Variants in NPAS3 observed in about 807,000 individuals in gnomAD.
NPAS3 encodes neuronal PAS domain protein 3, also known as neuronal PAS domain-containing protein 3.
A neutral mutation model predicts 73.1 loss-of-function variants in NPAS3; 14 were observed. The observed-to-expected ratio is 0.19, with a 90% confidence interval of 0.13 to 0.30. NPAS3 has a LOEUF of 0.30. NPAS3 is among the 10% of genes least tolerant of loss of function. The pLI is 1.00. For synonymous variants in NPAS3, 620 were observed against 541.5 expected (o/e 1.14, Z -2.01); for missense variants, 1,096 against 1,250.0 (o/e 0.88, Z 1.86).
intron 9 of NPAS3, among the ~76,000 whole-genome samples, chr14:33,783,592 G>A: frequency 6.8e-6 from 1 of 147,126 alleles, no homozygotes; most frequent in Non-Finnish European, 1.5e-5. Context: ...TTTTTTGGGG[G>A]GGTGGTGTGG....
chr14:33,665,294 AGGGGGTCG>A (rs547710451), intron 5 of NPAS3, among the ~76,000 whole-genome samples: 226 of 152,258 alleles, frequency 1.5e-3, no homozygotes, highest in South Asian at 3.5e-3. Flanking sequence ...CGGGACTGCC[AGGGGGTCG>A]GGGGCTAGGG....
intron 5 of NPAS3, among the ~76,000 whole-genome samples, chr14:33,577,691 C>T (rs1272783636): frequency 1.3e-5 from 2 of 152,222 alleles, no homozygotes; most frequent in African/African-American, 4.8e-5. Context: ...AAGGGATAAA[C>T]TGGGACTGAT....
At chr14:33,774,604 G>A (rs1419782055) in intron 8 of NPAS3, 74 bp downstream of exon 8, 1 of 1,210,834 alleles carries the variant, frequency 8.3e-7, no homozygotes, top group Non-Finnish European at 1.2e-6. Context: ...GCCGTCTGAA[G>A]GATGGTACTC....
At chr14:33,785,235 A>T (rs2063132594) in intron 9 of NPAS3, among the ~76,000 whole-genome samples, 1 of 151,472 alleles carries the variant, frequency 6.6e-6, no homozygotes, top group African/African-American at 2.4e-5. Context: ...GGAGTTCGAG[A>T]CCAGCCTGGC....
chr14:33,736,918 G>A (rs1391927834), intron 7 of NPAS3, among the ~76,000 whole-genome samples: 8 of 152,096 alleles, frequency 5.3e-5, no homozygotes, highest in African/African-American at 1.9e-4. Context: ...AGTAATGATA[G>A]CTAAAATTAA....
intron 3 of NPAS3, among the ~76,000 whole-genome samples, chr14:33,252,758 C>T (rs796618108): frequency 6.6e-6 from 1 of 151,666 alleles, no homozygotes; most frequent in Non-Finnish European, 1.5e-5. Flanking sequence ...GAAAATTGTA[C>T]CCAATAGGTA....
At chr14:33,233,246 C>A (rs552280592) in intron 3 of NPAS3, among the ~76,000 whole-genome samples, 1 of 151,876 alleles carries the variant, frequency 6.6e-6, no homozygotes, top group Non-Finnish European at 1.5e-5. Flanking sequence ...AACAATGAAC[C>A]CCGAATGCTA....
intron 2 of NPAS3, among the ~76,000 whole-genome samples, chr14:33,070,906 T>C (rs930336281): frequency 6.6e-6 from 1 of 152,214 alleles, no homozygotes; most frequent in Non-Finnish European, 1.5e-5. Context: ...GGTTTAACAC[T>C]GGGTGCTTTT....
intron 2 of NPAS3, among the ~76,000 whole-genome samples, chr14:33,061,169 G>A (rs544761401): frequency 9.8e-5 from 15 of 152,288 alleles, no homozygotes; most frequent in African/African-American, 3.1e-4. Context: ...TTCTGCTGGG[G>A]GGAGGATGGT....
At chr14:33,455,320 G>T (rs926836606) in intron 4 of NPAS3, among the ~76,000 whole-genome samples, 3 of 152,156 alleles carry the variant, frequency 2.0e-5, no homozygotes, top group Non-Finnish European at 4.4e-5. Flanking sequence ...GGGGTGGGTA[G>T]AAGCCAAAGT....
In NPAS3 at chr14:33,392,164, C is replaced by A. The variant is rs529602437; in HGVS notation, c.468+24896C>A. Among the ~76,000 whole-genome samples, 3 of 152,268 alleles carry A rather than the reference C, an allele frequency of 2.0e-5. No homozygotes were observed. In the East Asian group the frequency reaches 5.8e-4, roughly 29 times the overall value. ...CATGTGGGCATCATCCCTCTTGTCA[C>A]ATATTCTACTTTTTATAGACATAAA... is the stretch of plus-strand genomic sequence containing the variant. On this transcript the variant is annotated intron_variant, in intron 4 of 11. Transcript: ENST00000356141.
chr14:33,719,516 A>G (rs905378261), intron 6 of NPAS3, among the ~76,000 whole-genome samples: 1 of 152,232 alleles, frequency 6.6e-6, no homozygotes, highest in African/African-American at 2.4e-5. Flanking sequence ...CTTTCTAAAT[A>G]CAATATATTT....
At chr14:33,771,383 AT>A (rs2062647170) in intron 7 of NPAS3, among the ~76,000 whole-genome samples, 1 of 152,146 alleles carries the variant, frequency 6.6e-6, no homozygotes, top group South Asian at 2.1e-4. Context: ...CTTGACAACT[AT>A]TTAGTTACTG....
At chr14:33,566,576 G>A (rs1009239982) in intron 5 of NPAS3, among the ~76,000 whole-genome samples, 2 of 151,982 alleles carry the variant, frequency 1.3e-5, no homozygotes, top group African/African-American at 4.8e-5. Flanking sequence ...ATGCCTTTTA[G>A]TTCATAGTTC....
intron 2 of NPAS3, chr14:33,214,766 T>C (rs767606764): frequency 1.2e-4 from 20 of 169,896 alleles, no homozygotes; most frequent in Non-Finnish European, 1.8e-4. Context: ...TTGATGAAGA[T>C]CCCATACTGA....
intron 3 of NPAS3, among the ~76,000 whole-genome samples, chr14:33,341,372 T>A (rs999252000): frequency 9.2e-5 from 14 of 152,248 alleles, no homozygotes; most frequent in African/African-American, 3.1e-4. Context: ...CGTTATTTCT[T>A]TTTTGTTCTG....
chr14:33,703,576 G>C (rs1343821183), intron 6 of NPAS3, among the ~76,000 whole-genome samples: 1 of 143,844 alleles, frequency 7.0e-6, no homozygotes, highest in South Asian at 2.2e-4. Context: ...TTGCTTTCTA[G>C]GTTAAGAAAA....
At chr14:32,974,718 G>A (rs1339516993) in intron 1 of NPAS3, among the ~76,000 whole-genome samples, 1 of 152,048 alleles carries the variant, frequency 6.6e-6, no homozygotes, top group Non-Finnish European at 1.5e-5. Flanking sequence ...AGGGTACCTG[G>A]AGGTCCAGCC....
At chr14:33,449,154 G>A (rs573493090) in intron 4 of NPAS3, among the ~76,000 whole-genome samples, 1 of 152,260 alleles carries the variant, frequency 6.6e-6, no homozygotes, top group South Asian at 2.1e-4. Flanking sequence ...CAGGAGTTCT[G>A]GACAGAGTGC....
Sources: gnomAD v4.1 joint callset for allele counts (sites outside exome capture counted in the v4.1 genomes callset) on GRCh38, gnomAD v4.1.1 for gene constraint, MANE v1.5 for transcripts, NCBI Gene and HGNC (gene_info 2026-07-23, HGNC 2026-07-21) for gene names.